The following TMEM132B variants were observed in gnomAD, a reference collection of about 807,000 sequenced individuals.
TMEM132B encodes the protein transmembrane protein 132B.
A neutral mutation model predicts 90.8 loss-of-function variants in TMEM132B; 18 were observed. The ratio of observed to expected loss-of-function variants is 0.20; its 90% CI spans 0.14 to 0.29. The LOEUF is 0.29. Among genes scored for constraint, TMEM132B ranks in the 10% least tolerant of loss-of-function variants. The pLI, the probability that TMEM132B is intolerant of heterozygous loss-of-function variation, is 1.00. For missense variants in TMEM132B, 1,096 were observed against 1,326.8 expected (o/e 0.83, Z 2.70); for synonymous variants, 504 against 523.3 (o/e 0.96, Z 0.50).
chr12:125,271,173 C>T (rs1372253335), intron 1 of TMEM132B, among the ~76,000 whole-genome samples: 3 of 152,054 alleles, frequency 2.0e-5, no homozygotes, highest in Non-Finnish European at 4.4e-5. Context: ...CTCACTATGT[C>T]GCCTACGCTG....
At chr12:125,643,826 C>T (rs911811516) in intron 5 of TMEM132B, among the ~76,000 whole-genome samples, 2 of 152,158 alleles carry the variant, frequency 1.3e-5, no homozygotes, top group Admixed American at 1.3e-4. Flanking sequence ...GGTTATATAA[C>T]TCCATTAAAT....
chr12:125,386,283 C>T (rs902467078), intron 2 of TMEM132B, among the ~76,000 whole-genome samples: 4 of 152,200 alleles, frequency 2.6e-5, no homozygotes, highest in Non-Finnish European at 4.4e-5. Flanking sequence ...ACACTGTGCC[C>T]AGCCATTTGT....
At chr12:125,433,848 G>A (rs767218614) in intron 3 of TMEM132B, among the ~76,000 whole-genome samples, 3 of 151,834 alleles carry the variant, frequency 2.0e-5, no homozygotes, top group Non-Finnish European at 2.9e-5. Context: ...CTTAAAGTTC[G>A]CAATGTAATG....
intron 3 of TMEM132B, among the ~76,000 whole-genome samples, chr12:125,502,005 T>C (rs1328100050): frequency 6.6e-6 from 1 of 152,110 alleles, no homozygotes; most frequent in Non-Finnish European, 1.5e-5. Context: ...TCTGCATGAG[T>C]GTGTGTGTGC....
chr12:125,368,875 AT>A (rs1162655140), intron 2 of TMEM132B, among the ~76,000 whole-genome samples: 1 of 152,098 alleles, frequency 6.6e-6, no homozygotes, highest in Non-Finnish European at 1.5e-5. Flanking sequence ...TCCTGTCATG[AT>A]TTTTTTAAAT....
chr12:125,238,268 G>A (rs1873979863), intron 1 of TMEM132B, among the ~76,000 whole-genome samples: 1 of 150,406 alleles, frequency 6.6e-6, no homozygotes, highest in Non-Finnish European at 1.5e-5. Context: ...CAGGAGAATG[G>A]CGTGAACCTG....
chr12:125,320,670 G>GC (rs1347277266), intron 1 of TMEM132B, among the ~76,000 whole-genome samples: 3 of 152,156 alleles, frequency 2.0e-5, no homozygotes, highest in Non-Finnish European at 4.4e-5. Context: ...TCAGTCTTTG[G>GC]CCGACTTAAA....
At chr12:125,543,641 G>T (rs1411244934) in intron 4 of TMEM132B, among the ~76,000 whole-genome samples, 1 of 152,116 alleles carries the variant, frequency 6.6e-6, no homozygotes, top group South Asian at 2.1e-4. Context: ...ATCCTTTTCC[G>T]TTGCTTGTTT....
intron 3 of TMEM132B, among the ~76,000 whole-genome samples, chr12:125,437,369 A>G (rs757119073): frequency 6.6e-6 from 1 of 152,212 alleles, no homozygotes; most frequent in African/African-American, 2.4e-5. Context: ...ATCTGTGATT[A>G]TTGTGCATAG....
At chr12:125,474,385 C>T (rs73414312) in intron 3 of TMEM132B, among the ~76,000 whole-genome samples, 17,643 of 148,796 alleles carry the variant, frequency 0.12, 1,100 homozygotes, top group African/African-American at 0.16. Context: ...AGCCTCAAAA[C>T]CCTGGGCTCC....
Position 125,519,636 on chromosome 12 carries a change from TG to T in TMEM132B, c.1293+16del. 6.2e-7 allele frequency: 1 copy of T among 1,613,288 alleles called. No individual in the cohort carries two copies. Among genetic ancestry groups the T allele is most frequent in the African/African-American group, 1.3e-5 (1 of 75,008 alleles). On this transcript the variant is annotated intron_variant, in intron 4 of 8. Transcript: ENST00000682704. ...GTCCCTCTTGCCATGGTGAGGAATC[TG>T]GGGGTTTCAGAGGAAGTGTCACAAA...
intron 1 of TMEM132B, among the ~76,000 whole-genome samples, chr12:125,348,807 G>A (rs896524674): frequency 2.6e-5 from 4 of 152,206 alleles, no homozygotes; most frequent in African/African-American, 9.6e-5. Context: ...ATCCGGCTCA[G>A]CACATATGTT....
intron 1 of TMEM132B, among the ~76,000 whole-genome samples, chr12:125,299,842 T>TC (rs1255621393): frequency 2.6e-5 from 4 of 152,198 alleles, no homozygotes; most frequent in Admixed American, 2.6e-4. Flanking sequence ...CCGGCCTGCG[T>TC]CCCCCACTTG....
intron 3 of TMEM132B, among the ~76,000 whole-genome samples, chr12:125,474,631 T>G (rs149343435): frequency 6.4e-4 from 98 of 152,252 alleles, no homozygotes; most frequent in Non-Finnish European, 1.6e-4. Context: ...TAATCTCTAG[T>G]GTTCCAGGCC....
intron 5 of TMEM132B, among the ~76,000 whole-genome samples, chr12:125,592,247 A>G (rs534069893): frequency 1.3e-5 from 2 of 152,104 alleles, no homozygotes; most frequent in East Asian, 3.9e-4. Flanking sequence ...TTGTAAATGA[A>G]TTGTGGTTTT....
chr12:125,375,341 T>C (rs185601377), intron 2 of TMEM132B, among the ~76,000 whole-genome samples: 1 of 152,336 alleles, frequency 6.6e-6, no homozygotes, highest in African/African-American at 2.4e-5. Flanking sequence ...TGTCCGTGCC[T>C]TGCCATTTTA....
At chr12:125,367,603 C>G (rs1284307631) in intron 2 of TMEM132B, among the ~76,000 whole-genome samples, 1 of 152,148 alleles carries the variant, frequency 6.6e-6, no homozygotes, top group East Asian at 1.9e-4. Flanking sequence ...GGTTGATGCT[C>G]TCTCTGCATC....
At chr12:125,602,406 C>G (rs1347105880) in intron 5 of TMEM132B, among the ~76,000 whole-genome samples, 1 of 152,118 alleles carries the variant, frequency 6.6e-6, no homozygotes, top group Non-Finnish European at 1.5e-5. Flanking sequence ...TTCGATAAAA[C>G]TCAGCACTCC....
intron 1 of TMEM132B, among the ~76,000 whole-genome samples, chr12:125,196,118 T>C (rs568121739): frequency 6.6e-6 from 1 of 152,294 alleles, no homozygotes; most frequent in South Asian, 2.1e-4. Context: ...CTGCTTGGAC[T>C]GAGTGGTTGC....
Sources: allele counts gnomAD v4.1 joint callset (sites outside exome capture counted in the v4.1 genomes callset), GRCh38; gene constraint gnomAD v4.1.1; transcripts MANE v1.5; gene names NCBI Gene and HGNC (gene_info 2026-07-23, HGNC 2026-07-21).